Variants in CNOT2 observed in about 807,000 individuals in gnomAD.
The protein encoded by CNOT2 is CCR4-NOT transcription complex subunit 2, also known as CC chemokine receptor 4-negative regulator of transcription 2.
A neutral mutation model predicts 72.1 loss-of-function variants in CNOT2; 7 were observed. The observed-to-expected ratio is 0.10, with a 90% CI of 0.06 to 0.18. The LOEUF (loss-of-function observed/expected upper bound fraction) is 0.18, where lower values mean the gene tolerates loss of function less well. CNOT2 is among the 10% of genes least tolerant of loss of function. CNOT2 has a pLI of 1.00. For synonymous variants in CNOT2, 196 were observed against 225.6 expected (o/e 0.87, Z 1.17); for missense variants, 345 against 660.3 (o/e 0.52, Z 5.23).
intron 2 of CNOT2, among the ~76,000 whole-genome samples, chr12:70,287,168 A>G (rs894667186): frequency 1.1e-4 from 17 of 151,514 alleles, no homozygotes; most frequent in Admixed American, 6.6e-5. Flanking sequence ...TTTTATAGAT[A>G]TACTTTATCA....
chr12:70,249,995 A>G (rs942223814), intron 1 of CNOT2, among the ~76,000 whole-genome samples: 1 of 152,094 alleles, frequency 6.6e-6, no homozygotes, highest in Non-Finnish European at 1.5e-5. Context: ...TGCTTATGAG[A>G]AATTCTAGGT....
At chr12:70,269,482 G>T (rs973232323) in intron 1 of CNOT2, among the ~76,000 whole-genome samples, 5 of 152,032 alleles carry the variant, frequency 3.3e-5, no homozygotes, top group Non-Finnish European at 5.9e-5. Context: ...TGCTTATGAG[G>T]TCACCAGTTA....
chr12:70,294,899 A>G (rs1262033621), intron 2 of CNOT2, among the ~76,000 whole-genome samples: 1 of 152,184 alleles, frequency 6.6e-6, no homozygotes, highest in Non-Finnish European at 1.5e-5. Context: ...TAATTCAGCA[A>G]ATGTTTGTTG....
intron 13 of CNOT2, among the ~76,000 whole-genome samples, chr12:70,343,145 A>G (rs1416152143): frequency 6.6e-6 from 1 of 152,266 alleles, no homozygotes; most frequent in Non-Finnish European, 1.5e-5. Context: ...ACCACTGTAG[A>G]GCTCTTTCGC....
chr12:70,266,244 C>A (rs1959038172), intron 1 of CNOT2, among the ~76,000 whole-genome samples: 1 of 151,888 alleles, frequency 6.6e-6, no homozygotes, highest in Admixed American at 6.5e-5. Flanking sequence ...CTGCCTCAGC[C>A]TCCCCAGTAG....
intron 8 of CNOT2, 131 bp from the exon 9 acceptor site, chr12:70,337,258 G>T: frequency 1.6e-6 from 1 of 620,284 alleles, no homozygotes; most frequent in Non-Finnish European, 2.7e-6. Context: ...CTAATTTTTT[G>T]AAGTACGCTT....
At chr12:70,260,346 A>G (rs1958686949) in intron 1 of CNOT2, among the ~76,000 whole-genome samples, 2 of 152,042 alleles carry the variant, frequency 1.3e-5, no homozygotes, top group African/African-American at 4.8e-5. Context: ...TATGTTTTGT[A>G]TTACTTTTGT....
chr12:70,310,971 T>G lies in CNOT2; in HGVS notation c.125T>G (p.Met42Arg). The G allele has an allele frequency of 6.2e-7, 1 of 1,601,276 alleles. No individual in the cohort carries two copies. Residue 42 changes from methionine to arginine, a missense_variant, in exon 3 of 16, where the codon ATG becomes AGG. This residue lies in a region of CNOT2 where 157 missense variants were observed against 235.3 expected (regional missense o/e 0.67). Coordinates refer to ENST00000229195, the MANE Select transcript of CNOT2 (RefSeq NM_014515.7). Reference protein sequence around the residue: ...GVDSDYHDENMYYSQSSMFPH... With the variant: ...GVDSDYHDENRYYSQSSMFPH... ...GACAGTGACTACCATGACGAAAACA[T>G]GTACTACAGCCAGTCTTCTATGTTT...
chr12:70,255,471 T>C (rs1159193105), intron 1 of CNOT2, among the ~76,000 whole-genome samples: 1 of 152,100 alleles, frequency 6.6e-6, no homozygotes, highest in African/African-American at 2.4e-5. Context: ...TTTTGAAGCA[T>C]TAAAAGTAAA....
chr12:70,342,212 A>G (rs1355752429), intron 12 of CNOT2, 44 bp downstream of exon 12: 2 of 1,612,588 alleles, frequency 1.2e-6, no homozygotes, highest in Admixed American at 1.7e-5. Flanking sequence ...AAAGAAATTT[A>G]CAATTGAGAA....
At chr12:70,267,981 T>C (rs755575769) in intron 1 of CNOT2, among the ~76,000 whole-genome samples, 1 of 152,228 alleles carries the variant, frequency 6.6e-6, no homozygotes, top group African/African-American at 2.4e-5. Context: ...TCTGGCCCTT[T>C]ACAAAGTATT....
chr12:70,301,249 AAC>A (rs2135914414), intron 2 of CNOT2, among the ~76,000 whole-genome samples: 1 of 152,322 alleles, frequency 6.6e-6, no homozygotes, highest in East Asian at 1.9e-4. Context: ...CAGAACTTCC[AAC>A]ACTGTGTTGA....
intron 5 of CNOT2, among the ~76,000 whole-genome samples, chr12:70,329,901 C>T (rs1021450386): frequency 2.0e-5 from 3 of 151,956 alleles, no homozygotes; most frequent in Non-Finnish European, 4.4e-5. Context: ...ATTGCTCCCT[C>T]GCCACACATC....
chr12:70,348,119 G>A (rs1044932066), intron 15 of CNOT2: 1 of 152,134 alleles, frequency 6.6e-6, no homozygotes, highest in Non-Finnish European at 1.5e-5. Flanking sequence ...CACACATGCT[G>A]ATTACAGTGC....
At chr12:70,339,510 T>C (rs993974101) in intron 11 of CNOT2, among the ~76,000 whole-genome samples, 1 of 152,150 alleles carries the variant, frequency 6.6e-6, no homozygotes, top group Non-Finnish European at 1.5e-5. Flanking sequence ...TATACTTGCA[T>C]GGCCAAAGCT....
chr12:70,300,804 CT>C (rs1448950287), intron 2 of CNOT2, among the ~76,000 whole-genome samples: 1 of 152,130 alleles, frequency 6.6e-6, no homozygotes, highest in Non-Finnish European at 1.5e-5. Flanking sequence ...TATAAATTAC[CT>C]TGGGCAGTAT....
chr12:70,333,823 T>C (rs1314091574), intron 7 of CNOT2, among the ~76,000 whole-genome samples: 2 of 152,034 alleles, frequency 1.3e-5, no homozygotes, highest in Non-Finnish European at 2.9e-5. Flanking sequence ...TATTCCATTC[T>C]TTCTAAAATG....
At chr12:70,318,429 A>AT (rs1309960811) in intron 3 of CNOT2, among the ~76,000 whole-genome samples, 1 of 151,514 alleles carries the variant, frequency 6.6e-6, no homozygotes, top group African/African-American at 2.4e-5. Context: ...TTTTTGTTCA[A>AT]TTTTTTTGAA....
chr12:70,248,430 A>G (rs1205560185), intron 1 of CNOT2, among the ~76,000 whole-genome samples: 1 of 152,116 alleles, frequency 6.6e-6, no homozygotes, highest in African/African-American at 2.4e-5. Flanking sequence ...TGTGAATTTG[A>G]TTATTATTAT....
Sources: allele counts gnomAD v4.1 joint callset (sites outside exome capture counted in the v4.1 genomes callset), GRCh38; gene constraint gnomAD v4.1.1; regional missense constraint gnomAD v4.1.1; transcripts MANE v1.5; gene names NCBI Gene and HGNC (gene_info 2026-07-23, HGNC 2026-07-21).